C16orf96: variants seen among roughly 807,000 people sequenced by gnomAD.
The protein encoded by C16orf96 is uncharacterized protein C16orf96.
Under a neutral mutation model 103.6 loss-of-function variants are expected in C16orf96, and 108 were observed. The ratio of observed to expected loss-of-function variants is 1.04; its 90% CI spans 0.89 to 1.22. The LOEUF (loss-of-function observed/expected upper bound fraction) is 1.22, where lower values mean the gene tolerates loss of function less well. Ranked by LOEUF, C16orf96 falls within the 50% of genes most tolerant of loss-of-function variation. C16orf96 has a pLI of 0.00. For missense variants in C16orf96, 1,586 were observed against 1,464.2 expected, an observed-to-expected ratio of 1.08 and a Z score of -1.36; for synonymous variants, 566 against 593.5, an observed-to-expected ratio of 0.95 and a Z score of 0.67.
rs569379376 is a variant in C16orf96 at position 4,594,614 on chromosome 16, C to T, written c.3028-90C>T. On this transcript the variant is annotated intron_variant, in intron 13 of 15. Transcript: ENST00000444310. ...CAGTGGGCAACCCCAGCAGAGGCTGCACTCTGTCTCCTGGGCTTCTGCGTG... is the reference window on the plus strand; with the variant it reads ...CAGTGGGCAACCCCAGCAGAGGCTGTACTCTGTCTCCTGGGCTTCTGCGTG... 37 of 1,535,798 alleles carry T rather than the reference C, an allele frequency of 2.4e-5. No individual in the cohort carries two copies. In the East Asian group the frequency reaches 7.4e-4, roughly 31 times the overall value.
At chr16:4,599,511 T>C in intron 15 of C16orf96, 147 bp downstream of exon 15, 1 of 715,908 alleles carries the variant, frequency 1.4e-6, no homozygotes, top group South Asian at 1.7e-5. Context: ...CTATGGCACT[T>C]CAGAGATGAT....
chr16:4,575,185 A>G lies in C16orf96; in HGVS notation c.705A>G (p.Ser235=). The G allele has an allele frequency of 6.5e-7, 1 of 1,546,168 alleles. No homozygotes were observed. Among genetic ancestry groups the G allele is most frequent in the Admixed American group, 2.0e-5 (1 of 50,990 alleles). The change falls in exon 5 of 16, where the codon TCA becomes TCG. Residue 235 remains serine (S), a synonymous_variant. Transcript: ENST00000444310. The part of the protein sequence containing the change: ...HDAMFTSEIG[S]SPLDLWQSVE... ...CCCCTCTTCTGCAGGAAATTGGTTC[A>G]TCACCACTGGACCTGTGGCAGTCTG...
intron 14 of C16orf96, among the ~76,000 whole-genome samples, chr16:4,595,458 G>A (rs1401286005): frequency 1.3e-5 from 2 of 152,202 alleles, no homozygotes; most frequent in African/African-American, 4.8e-5. Flanking sequence ...GCAGTGCTGA[G>A]GCCCGGCTCT....
chr16:4,573,657 C>G (rs1851956900), intron 2 of C16orf96, among the ~76,000 whole-genome samples: 1 of 146,804 alleles, frequency 6.8e-6, no homozygotes, highest in Non-Finnish European at 1.5e-5. Flanking sequence ...GAGGCTGAGG[C>G]AGGAGAATGG....
chr16:4,579,162 C>T (rs956528097), intron 6 of C16orf96, 137 bp downstream of exon 6: 21 of 765,144 alleles, frequency 2.7e-5, no homozygotes, highest in African/African-American at 7.0e-5. Context: ...GAGCTGGCTG[C>T]GAAGGCAGCT....
At chr16:4,586,402 C>G (rs901473637) in intron 7 of C16orf96, among the ~76,000 whole-genome samples, 1 of 152,208 alleles carries the variant, frequency 6.6e-6, no homozygotes, top group African/African-American at 2.4e-5. Context: ...GAGTTCTGTT[C>G]GTAAGCGTGA....
chr16:4,555,551 TTAG>T (rs1283767348), upstream of C16orf96, among the ~76,000 whole-genome samples: 3 of 151,838 alleles, frequency 2.0e-5, no homozygotes, highest in East Asian at 5.8e-4. Flanking sequence ...TTTTGTATTT[TTAG>T]TAGAGGCGGA....
At position 4,556,805 on chromosome 16, in the gene C16orf96, C is replaced by G. The variant is rs1448036476; in HGVS notation, c.316C>G (p.Gln106Glu). The change falls in exon 1 of 16, where the codon CAG (glutamine) becomes GAG (glutamate). Residue 106 changes from glutamine (Q) to glutamate (E), a missense_variant. Coordinates refer to ENST00000444310, the MANE Select transcript of C16orf96 (RefSeq NM_001145011.2). Reference protein sequence around the residue: ...ALLQDLPSTAQLLEASQGTAR... With the variant: ...ALLQDLPSTAELLEASQGTAR... ...GCTGCAGGACCTGCCCTCCACTGCC[C>G]AGCTGCTGGAAGCCAGCCAGGGCAC... 1 of 1,551,556 alleles carries G rather than the reference C, an allele frequency of 6.4e-7. No individual in the cohort carries two copies. Among genetic ancestry groups the G allele is most frequent in the Non-Finnish European group, 8.7e-7 (1 of 1,147,022 alleles).
chr16:4,581,775 A>G (rs910462328), intron 7 of C16orf96, among the ~76,000 whole-genome samples: 1 of 151,846 alleles, frequency 6.6e-6, no homozygotes, highest in African/African-American at 2.4e-5. Flanking sequence ...CCAACAGAAG[A>G]AAACTGTCTC....
rs1567445721 is a variant in C16orf96, at chr16:4,575,502, G to A, written c.1022G>A (p.Gly341Glu). 1.3e-6 allele frequency: 2 copies of A among 1,547,088 alleles called. No individual in the cohort carries two copies. Among genetic ancestry groups the A allele is most frequent in the South Asian group, 1.2e-5 (1 of 84,016 alleles). Residue 341 changes from glycine (G) to glutamate (E), a missense_variant, in exon 5 of 16, where the codon GGG becomes GAG. Transcript: ENST00000444310. ...GAACCTGTGCCAGGACTGGAGCTGG[G>A]GCTGGAGCTGGAGCCTGTGCCTGCC... ...GTEPVPGLEL[G>E]LELEPVPALG...
chr16:4,576,759 C>G (rs746949687), intron 5 of C16orf96, 124 bp downstream of exon 5: 63 of 980,304 alleles, frequency 6.4e-5, no homozygotes, highest in Non-Finnish European at 9.1e-5. Flanking sequence ...ATTAGCCATT[C>G]TTTCCTTTGG....
rs77379438 is a variant in C16orf96, at chr16:4,575,469, C to G, written c.989C>G (p.Pro330Arg). The G allele has an allele frequency of 0.066, 102,904 of 1,548,210 alleles. 5,131 individuals carry two copies. The highest frequency in any genetic ancestry group is 0.28 in the East Asian group (11,425 of 40,880). Reference protein sequence around the residue: ...CTTEFAPGPAPGTEPVPGLEL... With the variant: ...CTTEFAPGPARGTEPVPGLEL... ...ACTGAATTTGCACCTGGGCCTGCAC[C>G]TGGGACTGAACCTGTGCCAGGACTG... Residue 330 changes from proline (P) to arginine (R), a missense_variant, in exon 5 of 16, where the codon CCT becomes CGT. Coordinates refer to ENST00000444310, the MANE Select transcript of C16orf96 (RefSeq NM_001145011.2).
chr16:4,577,909 A>T (rs2059532732), intron 5 of C16orf96, among the ~76,000 whole-genome samples: 1 of 152,024 alleles, frequency 6.6e-6, no homozygotes, highest in Non-Finnish European at 1.5e-5. Context: ...GTGAGCAGAG[A>T]TTGTGCCACT....
chr16:4,542,708 G>A, the C16orf96 span, among the ~76,000 whole-genome samples: 1 of 152,222 alleles, frequency 6.6e-6, no homozygotes, highest in East Asian at 1.9e-4. Flanking sequence ...TGAGGCAGGA[G>A]AATAGCTTCA....
chr16:4,580,307 A>ACCCCCCCCCCCCCC (rs1420902342), intron 7 of C16orf96, among the ~76,000 whole-genome samples, 182 bp downstream of exon 7: 1 of 69,248 alleles, frequency 1.4e-5, no homozygotes, highest in South Asian at 5.9e-4. Flanking sequence ...AACGAATCCC[A>ACCCCCCCCCCCCCC]CCACCCCCCC....
Position 4,556,843 on chromosome 16 carries a change from C to T in C16orf96, c.354C>T (p.Val118=), listed in dbSNP as rs780459612. 327 of 1,551,588 alleles carry T rather than the reference C, an allele frequency of 2.1e-4. 3 individuals carry two copies. The Admixed American group carries it at 2.5e-3, about 12-fold the overall frequency. The change falls in exon 1 of 16, where the codon GTC becomes GTT. Residue 118 remains valine (V), a synonymous_variant. Coordinates refer to ENST00000444310, the MANE Select transcript of C16orf96 (RefSeq NM_001145011.2). ...CCAGCCAGGGCACTGCCCGGCCCGT[C>T]CAGGACCTGTGGCATCTGATCAAGC... is the stretch of plus-strand genomic sequence containing the variant. ...LEASQGTARP[V]QDLWHLIKLR...
At chr16:4,547,020 G>A in the C16orf96 span, among the ~76,000 whole-genome samples, 3 of 152,216 alleles carry the variant, frequency 2.0e-5, no homozygotes, top group Non-Finnish European at 2.9e-5. Flanking sequence ...TAACTCCTGG[G>A]CTCAAGCTAT....
chr16:4,586,978 GT>G (rs1355485378), intron 7 of C16orf96, 60 bp from the exon 8 acceptor site: 15 of 1,458,070 alleles, frequency 1.0e-5, no homozygotes, highest in Non-Finnish European at 1.4e-5. Flanking sequence ...GAGGTGGGAG[GT>G]TGACATTTTA....
chr16:4,569,866 C>T (rs1360099220), intron 1 of C16orf96, among the ~76,000 whole-genome samples: 1 of 152,144 alleles, frequency 6.6e-6, no homozygotes, highest in Non-Finnish European at 1.5e-5. Flanking sequence ...CCAGGGATTG[C>T]CTGAGAGCTC....
Sources: allele counts gnomAD v4.1 joint callset (sites outside exome capture counted in the v4.1 genomes callset), GRCh38; gene constraint gnomAD v4.1.1; transcripts MANE v1.5; gene names NCBI Gene and HGNC (gene_info 2026-07-23, HGNC 2026-07-21).